SCN9A: variants seen among roughly 807,000 people sequenced by gnomAD.
SCN9A encodes sodium channel protein type 9 subunit alpha.
A neutral mutation model predicts 187.0 loss-of-function variants in SCN9A; 131 were observed. The ratio of observed to expected loss-of-function variants is 0.70; its 90% CI spans 0.61 to 0.81. The LOEUF is 0.81. SCN9A is among the 30% of genes least tolerant of loss of function. SCN9A has a pLI of 0.00. For missense variants in SCN9A, 2,252 were observed against 2,396.6 expected (o/e 0.94, Z 1.26); for synonymous variants, 809 against 808.6 (o/e 1.00, Z -0.01).
At chr2:166,340,503 T>C (rs1699739648) in intron 1 of SCN9A, among the ~76,000 whole-genome samples, 1 of 148,342 alleles carries the variant, frequency 6.7e-6, no homozygotes, top group Admixed American at 6.7e-5. Flanking sequence ...CTTTCTTTCT[T>C]TCTTTTCCTT....
intron 20 of SCN9A, among the ~76,000 whole-genome samples, chr2:166,236,164 A>G (rs573325084): frequency 3.9e-5 from 6 of 152,246 alleles, no homozygotes; most frequent in Admixed American, 2.0e-4. Context: ...CTTCAAAACT[A>G]CTATATTACA....
At chr2:166,302,249 T>C (rs1304079147) in intron 7 of SCN9A, 1 of 152,104 alleles carries the variant, frequency 6.6e-6, no homozygotes, top group Non-Finnish European at 1.5e-5. Context: ...AGTACAATCT[T>C]GATCATATCT....
At chr2:166,200,109 T>A (rs1169912535) in intron 26 of SCN9A, among the ~76,000 whole-genome samples, 1 of 142,810 alleles carries the variant, frequency 7.0e-6, no homozygotes, top group Non-Finnish European at 1.5e-5. Flanking sequence ...GCCATTCTCC[T>A]GCCTCAGCCT....
chr2:166,329,626 G>T (rs1699450117), intron 1 of SCN9A, among the ~76,000 whole-genome samples: 1 of 152,002 alleles, frequency 6.6e-6, no homozygotes, highest in Admixed American at 6.6e-5. Context: ...AAGGTGCCAG[G>T]TGCCTGGGAC....
At chr2:166,336,770 C>T (rs1183137289) in intron 1 of SCN9A, among the ~76,000 whole-genome samples, 1 of 152,026 alleles carries the variant, frequency 6.6e-6, no homozygotes, top group African/African-American at 2.4e-5. Context: ...TGTAATCATT[C>T]CAGTGTCATC....
chr2:166,251,905 C>T lies in SCN9A; in HGVS notation c.3352-20G>A. On this transcript the variant is annotated intron_variant, in intron 17 of 26. Coordinates refer to ENST00000642356, the MANE Select transcript of SCN9A (RefSeq NM_001365536.1). The stretch of plus-strand genomic sequence containing the variant: ...TAATCTCTAGAAAGGAATTCACCAC[C>T]CCACCAGGTAGTTCATTTAGAGTTC... 1 of 1,611,112 alleles carries T rather than the reference C, an allele frequency of 6.2e-7. No homozygotes were observed.
intron 24 of SCN9A, among the ~76,000 whole-genome samples, 192 bp downstream of exon 24, chr2:166,226,375 A>T (rs1375084128): frequency 1.3e-5 from 2 of 152,148 alleles, no homozygotes; most frequent in African/African-American, 2.4e-5. Context: ...ATTATTTAGA[A>T]AATTGTTTTC....
intron 8 of SCN9A, 107 bp from the exon 9 acceptor site, chr2:166,293,479 T>C: frequency 1.1e-6 from 1 of 939,944 alleles, no homozygotes; most frequent in Non-Finnish European, 1.5e-6. Context: ...GGGGACAATA[T>C]TGAATAAGGA....
chr2:166,200,239 C>T (rs975222804), intron 26 of SCN9A, among the ~76,000 whole-genome samples: 3 of 151,190 alleles, frequency 2.0e-5, no homozygotes, highest in African/African-American at 4.9e-5. Context: ...CCTCGTGATC[C>T]GCCCGCCTCG....
rs201419776 is a variant in SCN9A, at chr2:166,195,309, A to G, written c.*3363T>C. 6 of 152,350 alleles carry G rather than the reference A, an allele frequency of 3.9e-5. No individual in the cohort carries two copies. The South Asian group carries it at 1.2e-3, about 32-fold the overall frequency. 9.4% of individuals were successfully genotyped at this position (152,350 alleles called of 1,614,324 possible). On this transcript the variant is annotated 3_prime_UTR_variant, in exon 27 of 27. Transcript: ENST00000642356. ...CATTTTGAGCATTCATAGATCTATG[A>G]AATTTGTAAAGAATCCTATGTAAAC...
chr2:166,225,537 G>C (rs979555446), intron 24 of SCN9A, among the ~76,000 whole-genome samples: 2 of 152,054 alleles, frequency 1.3e-5, no homozygotes, highest in Non-Finnish European at 2.9e-5. Context: ...TAACCTCTGT[G>C]TGCCTTTCCT....
chr2:166,328,816 ATTT>A (rs1197674338), intron 1 of SCN9A, among the ~76,000 whole-genome samples: 1 of 152,134 alleles, frequency 6.6e-6, no homozygotes, highest in Non-Finnish European at 1.5e-5. Context: ...ATTAAGTCCA[ATTT>A]TTATTTTCTT....
At chr2:166,277,443 A>G in intron 15 of SCN9A, 104 bp from the exon 16 acceptor site, 1 of 670,948 alleles carries the variant, frequency 1.5e-6, no homozygotes, top group Non-Finnish European at 2.5e-6. Context: ...AAGTCCTATA[A>G]TATTGTCATT....
At chr2:166,207,201 G>A (rs1304229584) in intron 24 of SCN9A, among the ~76,000 whole-genome samples, 1 of 152,050 alleles carries the variant, frequency 6.6e-6, no homozygotes, top group East Asian at 1.9e-4. Flanking sequence ...TTATTTTCAA[G>A]GATTTATAGT....
rs568786830 is a variant in SCN9A, at chr2:166,348,249, A to C, written c.-51+27448T>G. 4.4e-4 allele frequency among the ~76,000 whole-genome samples: 67 copies of C among 152,288 alleles called. 1 individual carries two copies. The highest frequency in any genetic ancestry group is 1.5e-3 in the African/African-American group (63 of 41,556). On this transcript the variant is annotated intron_variant, in intron 1 of 26. Transcript: ENST00000642356. ...AATAGAAAGTCTTCCAACATTAAAAAAAAAAAATGACAAGTAGCTATTTTC... is the reference window on the plus strand; with the variant it reads ...AATAGAAAGTCTTCCAACATTAAAACAAAAAAATGACAAGTAGCTATTTTC...
At chr2:166,205,776 C>T (rs553270408) in intron 24 of SCN9A, among the ~76,000 whole-genome samples, 14 of 150,332 alleles carry the variant, frequency 9.3e-5, no homozygotes, top group Non-Finnish European at 1.5e-4. Context: ...GACAAAAGGG[C>T]TAATATCCAG....
Position 166,303,181 on chromosome 2 carries a change from G to A in SCN9A, c.810C>T (p.Asn270=), listed in dbSNP as rs1574901208. ...AATTTCGAAAACATTTATGCTTCAG[G>A]TTTCCCATGAACAGCTGTAGTCCAA... ...ALIGLQLFMG[N]LKHKCFRNSL... The change falls in exon 7 of 27, where the codon AAC becomes AAT. Residue 270 remains asparagine, a synonymous_variant. Coordinates refer to ENST00000642356, the MANE Select transcript of SCN9A (RefSeq NM_001365536.1). The A allele has an allele frequency of 1.9e-6, 3 of 1,613,446 alleles. 1 individual carries two copies. The highest frequency in any genetic ancestry group is 2.2e-5 in the East Asian group (1 of 44,822).
chr2:166,250,201 T>A (rs1459538762), intron 18 of SCN9A, among the ~76,000 whole-genome samples: 1 of 152,108 alleles, frequency 6.6e-6, no homozygotes, highest in East Asian at 1.9e-4. Flanking sequence ...AAGAAACCAG[T>A]TGAGAAAATC....
rs202239471 is a variant in SCN9A at position 166,281,810 on chromosome 2, T to A, written c.1975-2A>T. 1 of 1,427,506 alleles carries A rather than the reference T, an allele frequency of 7.0e-7. No homozygotes were observed. Among genetic ancestry groups the A allele is most frequent in the African/African-American group, 1.4e-5 (1 of 69,008 alleles). The allele number at this position is 1,427,506 out of a possible 1,614,324, so 88.4% of individuals were successfully genotyped here. ...CTTGTGTATTTGATTGGTCGTGCCC[T>A]AAAAAAAAAATCAATTAATGTCTTA... On this transcript the variant is annotated splice_acceptor_variant, in intron 12 of 26. Transcript: ENST00000642356. LOFTEE classifies it high-confidence loss of function.
Sources: gnomAD v4.1 joint callset for allele counts (sites outside exome capture counted in the v4.1 genomes callset) on GRCh38, gnomAD v4.1.1 for gene constraint, MANE v1.5 for transcripts, NCBI Gene and HGNC (gene_info 2026-07-23, HGNC 2026-07-21) for gene names.